HS2ST1: variants seen among roughly 807,000 people sequenced by gnomAD.
The protein encoded by HS2ST1 is heparan sulfate 2-O-sulfotransferase 1, also known as 2-O-sulfotransferase.
HS2ST1 carries 18 observed loss-of-function variants against 42.9 expected under a neutral mutation model. The ratio of observed to expected loss-of-function variants is 0.42; its 90% confidence interval spans 0.29 to 0.62. The LOEUF is 0.62. HS2ST1 is among the 20% of genes least tolerant of loss of function. HS2ST1 has a pLI of 0.21. For missense variants in HS2ST1, 334 were observed against 433.8 expected (o/e 0.77, Z 2.04); for synonymous variants, 146 against 152.9 (o/e 0.95, Z 0.33).
chr1:87,036,054 T>C (rs756770747), intron 1 of HS2ST1, among the ~76,000 whole-genome samples: 2 of 152,198 alleles, frequency 1.3e-5, no homozygotes, highest in African/African-American at 2.4e-5. Flanking sequence ...CTCCCACTTA[T>C]GAGTGAAAAC....
At chr1:87,006,074 A>G (rs1235035049) in intron 1 of HS2ST1, among the ~76,000 whole-genome samples, 2 of 148,030 alleles carry the variant, frequency 1.4e-5, no homozygotes, top group African/African-American at 5.3e-5. Context: ...ATGAAAACAA[A>G]ACTTTAATTA....
intron 1 of HS2ST1, among the ~76,000 whole-genome samples, chr1:86,949,898 T>A (rs191040396): frequency 2.6e-5 from 4 of 152,328 alleles, no homozygotes; most frequent in Admixed American, 2.6e-4. Flanking sequence ...AGATGCAAAA[T>A]CTACTTCATT....
chr1:87,017,539 G>A lies in HS2ST1; in HGVS notation c.125-55395G>A, dbSNP rs746500391. Among the ~76,000 whole-genome samples the A allele has an allele frequency of 2.6e-5, 4 of 152,150 alleles. No individual in the cohort carries two copies. The South Asian group carries it at 6.2e-4, about 24-fold the overall frequency. On this transcript the variant is annotated intron_variant, in intron 1 of 6. Coordinates refer to ENST00000370550, the MANE Select transcript of HS2ST1 (RefSeq NM_012262.4). ...TACATAGCAAGGAGAAATGTTCTAAGTATTAGCTAATCATGCTTGATAGGC... is the reference window on the plus strand; with the variant it reads ...TACATAGCAAGGAGAAATGTTCTAAATATTAGCTAATCATGCTTGATAGGC...
intron 1 of HS2ST1, among the ~76,000 whole-genome samples, chr1:86,965,591 G>A (rs1648023982): frequency 6.6e-6 from 1 of 152,000 alleles, no homozygotes; most frequent in Non-Finnish European, 1.5e-5. Context: ...ACCACTGTGT[G>A]GGCCCCACTT....
chr1:87,099,559 C>T (rs1188698878), intron 5 of HS2ST1, among the ~76,000 whole-genome samples: 1 of 152,214 alleles, frequency 6.6e-6, no homozygotes, highest in Non-Finnish European at 1.5e-5. Flanking sequence ...TTGGGAATCA[C>T]ATTTCAACAT....
chr1:87,035,842 T>G (rs553486501), intron 1 of HS2ST1, among the ~76,000 whole-genome samples: 1 of 146,746 alleles, frequency 6.8e-6, no homozygotes, highest in Non-Finnish European at 1.5e-5. Context: ...ATTACTATAC[T>G]CTAAGTTCTG....
intron 1 of HS2ST1, chr1:87,045,182 T>C: frequency 1.1e-6 from 1 of 905,076 alleles, no homozygotes; most frequent in South Asian, 1.3e-5. Context: ...CTTCAGCTTG[T>C]TTTGGCCCCA....
intron 1 of HS2ST1, among the ~76,000 whole-genome samples, chr1:86,979,381 C>A (rs937226050): frequency 6.6e-6 from 1 of 152,160 alleles, no homozygotes; most frequent in African/African-American, 2.4e-5. Flanking sequence ...CCCCCAGCCC[C>A]TGGGTAACCA....
intron 1 of HS2ST1, among the ~76,000 whole-genome samples, chr1:86,992,807 C>T (rs1042016445): frequency 2.0e-5 from 3 of 152,152 alleles, no homozygotes; most frequent in African/African-American, 4.8e-5. Context: ...TTTTATTTGA[C>T]ACAGGAGCCT....
rs184078162 is a variant in HS2ST1 at position 87,022,459 on chromosome 1, C to A, written c.125-50475C>A. Among the ~76,000 whole-genome samples, 303 of 152,304 alleles carry A rather than the reference C, an allele frequency of 2.0e-3. 1 individual carries two copies. The highest frequency in any genetic ancestry group is 7.0e-3 in the African/African-American group (291 of 41,564). On this transcript the variant is annotated intron_variant, in intron 1 of 6. Coordinates refer to ENST00000370550, the MANE Select transcript of HS2ST1 (RefSeq NM_012262.4). ...GAGAAAAATGAGATTAGGAGCACAA[C>A]ACTCAAAAACTTCATCAGTGACACA...
chr1:86,931,445 C>G (rs1048196785), intron 1 of HS2ST1, among the ~76,000 whole-genome samples: 6 of 151,948 alleles, frequency 3.9e-5, no homozygotes, highest in Non-Finnish European at 8.8e-5. Context: ...ATATGTAACC[C>G]TTACTTCAGA....
intron 2 of HS2ST1, among the ~76,000 whole-genome samples, chr1:87,073,884 G>A (rs1319475585): frequency 6.6e-6 from 1 of 152,184 alleles, no homozygotes; most frequent in African/African-American, 2.4e-5. Context: ...GAGAAGGAAA[G>A]ATAATGTTTG....
chr1:87,039,336 G>A lies in HS2ST1; in HGVS notation c.125-33598G>A, dbSNP rs1042276861. On this transcript the variant is annotated intron_variant, in intron 1 of 6. Transcript: ENST00000370550. ...GTTCACTAAGAACCGGTCAGGGCGCGGTGTGGACCATAGGTATCTTTGCTA... is the reference window on the plus strand; with the variant it reads ...GTTCACTAAGAACCGGTCAGGGCGCAGTGTGGACCATAGGTATCTTTGCTA... 2.0e-5 allele frequency among the ~76,000 whole-genome samples: 3 copies of A among 152,160 alleles called. No homozygotes were observed. The East Asian group carries it at 5.8e-4, about 29-fold the overall frequency.
At chr1:86,973,831 C>T (rs1380642029) in intron 1 of HS2ST1, among the ~76,000 whole-genome samples, 1 of 152,174 alleles carries the variant, frequency 6.6e-6, no homozygotes, top group African/African-American at 2.4e-5. Context: ...ATGTAGAATT[C>T]ATAAGTCTTA....
intron 1 of HS2ST1, chr1:87,045,664 C>T: frequency 1.3e-6 from 1 of 775,082 alleles, no homozygotes; most frequent in Non-Finnish European, 2.4e-6. Context: ...ACTGTCAACC[C>T]AGCAATCACT....
intron 1 of HS2ST1, among the ~76,000 whole-genome samples, chr1:86,939,843 T>C (rs1173390216): frequency 6.6e-6 from 1 of 152,220 alleles, no homozygotes; most frequent in African/African-American, 2.4e-5. Flanking sequence ...ACACATATTT[T>C]GAGAGGAGTT....
rs575911363 is a variant in HS2ST1 at position 87,030,327 on chromosome 1, A to G, written c.125-42607A>G. On this transcript the variant is annotated intron_variant, in intron 1 of 6. Transcript: ENST00000370550. ...CAGCCTGGGCAACATAGGAGACCCT[A>G]TCTCTACAAAAAGTGTAAAAATTAG... Among the ~76,000 whole-genome samples, 9 of 152,270 alleles carry G rather than the reference A, an allele frequency of 5.9e-5. No homozygotes were observed. In the South Asian group the frequency reaches 8.3e-4, roughly 14 times the overall value.
At chr1:87,091,633 A>C (rs766487067) in intron 3 of HS2ST1, among the ~76,000 whole-genome samples, 2 of 152,062 alleles carry the variant, frequency 1.3e-5, no homozygotes, top group Non-Finnish European at 2.9e-5. Flanking sequence ...GAAGTGGTAA[A>C]GAGAAAGAAT....
intron 1 of HS2ST1, among the ~76,000 whole-genome samples, chr1:86,990,826 ATATATATATATTTTTTTTT>A (rs1302537712): frequency 1.7e-4 from 3 of 17,288 alleles, no homozygotes; most frequent in Non-Finnish European, 4.5e-4. Context: ...ATATATATAT[ATATATATATATTTTTTTTT>A]TTTTTTTTTT....
Sources: allele counts gnomAD v4.1 joint callset (sites outside exome capture counted in the v4.1 genomes callset), GRCh38; gene constraint gnomAD v4.1.1; transcripts MANE v1.5; gene names NCBI Gene and HGNC (gene_info 2026-07-23, HGNC 2026-07-21).